Variants in EPHA6 observed in about 807,000 individuals in gnomAD.
EPHA6 encodes EPH receptor A6.
Under a neutral mutation model 112.0 loss-of-function variants are expected in EPHA6, and 50 were observed. The ratio of observed to expected loss-of-function variants is 0.45; its 90% CI spans 0.36 to 0.56. The LOEUF (loss-of-function observed/expected upper bound fraction) is 0.56, where lower values mean the gene tolerates loss of function less well. Among genes scored for constraint, EPHA6 ranks in the 20% least tolerant of loss-of-function variants. The pLI, the probability that EPHA6 is intolerant of heterozygous loss-of-function variation, is 0.00. For synonymous variants in EPHA6, 529 were observed against 490.7 expected (o/e 1.08, Z -1.03); for missense variants, 1,280 against 1,417.4 (o/e 0.90, Z 1.56).
At chr3:97,552,139 A>G (rs2093036950) in intron 11 of EPHA6, among the ~76,000 whole-genome samples, 1 of 152,218 alleles carries the variant, frequency 6.6e-6, no homozygotes, top group Non-Finnish European at 1.5e-5. Flanking sequence ...CAGACTCAGA[A>G]AATATTTCAC....
intron 5 of EPHA6, among the ~76,000 whole-genome samples, chr3:97,323,450 A>G (rs896843600): frequency 2.6e-5 from 4 of 151,870 alleles, no homozygotes; most frequent in African/African-American, 9.7e-5. Flanking sequence ...ATGGAAGAAT[A>G]TTAGGGGGGA....
At chr3:97,140,048 C>G (rs1383038877) in intron 3 of EPHA6, among the ~76,000 whole-genome samples, 1 of 151,878 alleles carries the variant, frequency 6.6e-6, no homozygotes. Context: ...GAGGGAACTT[C>G]AAATTACTTT....
At chr3:97,735,889 A>C (rs1326806183) in intron 15 of EPHA6, 36 bp from the exon 16 acceptor site, 2 of 1,472,670 alleles carry the variant, frequency 1.4e-6, no homozygotes, top group Non-Finnish European at 1.8e-6. Flanking sequence ...TTACTGCCTA[A>C]AAATAAGAGA....
chr3:97,246,161 A>C (rs1158289551), intron 5 of EPHA6, among the ~76,000 whole-genome samples: 1 of 151,914 alleles, frequency 6.6e-6, no homozygotes, highest in Non-Finnish European at 1.5e-5. Flanking sequence ...AGTAGATGAG[A>C]GTTTTCTGTT....
chr3:97,088,955 C>T (rs1158177824), intron 3 of EPHA6, among the ~76,000 whole-genome samples: 1 of 152,082 alleles, frequency 6.6e-6, no homozygotes, highest in Admixed American at 6.5e-5. Flanking sequence ...TTTCTAAGGG[C>T]AGCATTCAGT....
chr3:97,073,786 A>G (rs2046431105), intron 3 of EPHA6, among the ~76,000 whole-genome samples: 1 of 152,032 alleles, frequency 6.6e-6, no homozygotes, highest in Admixed American at 6.6e-5. Flanking sequence ...TTCTATTTAT[A>G]GCGCATTTAT....
intron 11 of EPHA6, among the ~76,000 whole-genome samples, chr3:97,583,220 C>A (rs1304079961): frequency 6.6e-6 from 1 of 151,716 alleles, no homozygotes; most frequent in Non-Finnish European, 1.5e-5. Context: ...TCCTTGGCAC[C>A]TGAGGTGTAA....
chr3:96,907,636 T>C (rs2039004847), intron 2 of EPHA6, among the ~76,000 whole-genome samples: 2 of 152,030 alleles, frequency 1.3e-5, no homozygotes, highest in South Asian at 4.1e-4. Flanking sequence ...AGAAAAGATA[T>C]AGGTGTATTT....
chr3:97,636,832 A>C (rs962201319), intron 13 of EPHA6, among the ~76,000 whole-genome samples: 29 of 152,100 alleles, frequency 1.9e-4, no homozygotes, highest in African/African-American at 6.5e-4. Flanking sequence ...CCTACAATCT[A>C]CTGCTAGATA....
intron 2 of EPHA6, among the ~76,000 whole-genome samples, chr3:96,943,705 G>A (rs944849534): frequency 6.6e-5 from 10 of 152,278 alleles, no homozygotes; most frequent in Admixed American, 5.2e-4. Context: ...AAAGTTGACT[G>A]TTGTATGATA....
intron 2 of EPHA6, among the ~76,000 whole-genome samples, chr3:96,914,978 C>A (rs1044308657): frequency 1.1e-4 from 16 of 149,594 alleles, no homozygotes; most frequent in African/African-American, 3.5e-4. Context: ...TTAATTAAAT[C>A]TTTTGTCAGT....
chr3:97,115,909 T>C (rs1028810201), intron 3 of EPHA6, among the ~76,000 whole-genome samples: 1 of 151,938 alleles, frequency 6.6e-6, no homozygotes, highest in African/African-American at 2.4e-5. Context: ...ATCACCCTTA[T>C]ATTGCCTAAC....
intron 2 of EPHA6, among the ~76,000 whole-genome samples, chr3:96,901,546 C>A (rs1348597765): frequency 2.0e-5 from 3 of 151,658 alleles, no homozygotes; most frequent in Non-Finnish European, 4.4e-5. Flanking sequence ...TTATTAAAAT[C>A]TTACTTGTCA....
intron 2 of EPHA6, among the ~76,000 whole-genome samples, chr3:96,977,470 A>AAT (rs1031620809): frequency 5.3e-5 from 8 of 152,188 alleles, no homozygotes; most frequent in African/African-American, 1.7e-4. Context: ...ACCAATATGC[A>AAT]ATATATTAGT....
At chr3:97,581,675 CG>C (rs1203605110) in intron 11 of EPHA6, among the ~76,000 whole-genome samples, 2 of 152,190 alleles carry the variant, frequency 1.3e-5, no homozygotes, top group Non-Finnish European at 2.9e-5. Flanking sequence ...AACTGAGGCT[CG>C]GGGAGTTTAA....
chr3:97,106,398 T>C (rs1393213254), intron 3 of EPHA6, among the ~76,000 whole-genome samples: 1 of 152,058 alleles, frequency 6.6e-6, no homozygotes, highest in African/African-American at 2.4e-5. Context: ...ATATTAATAT[T>C]GCAAATTTTA....
chr3:97,435,064 C>A (rs1373823229), intron 6 of EPHA6, among the ~76,000 whole-genome samples: 2 of 152,008 alleles, frequency 1.3e-5, no homozygotes, highest in Admixed American at 1.3e-4. Flanking sequence ...TGAGGCTGGG[C>A]CAGGAACTGG....
At chr3:97,036,591 A>G (rs1404472586) in intron 3 of EPHA6, among the ~76,000 whole-genome samples, 1 of 151,940 alleles carries the variant, frequency 6.6e-6, no homozygotes, top group Non-Finnish European at 1.5e-5. Context: ...GTCCCTTTGT[A>G]TACACAAAGA....
rs140011759 is a variant in EPHA6 at position 97,044,158 on chromosome 3, T to C, written c.1114+56165T>C. Among the ~76,000 whole-genome samples the C allele has an allele frequency of 6.5e-3, 986 of 152,340 alleles. 6 individuals are homozygous for C. The highest frequency in any genetic ancestry group is 0.021 in the African/African-American group (891 of 41,578). The stretch of plus-strand genomic sequence containing the variant: ...TACATGTGACAAAGTCCTTTTTATG[T>C]TTTAGGATTCAGCCAAATATTATAA... On this transcript the variant is annotated intron_variant, in intron 3 of 17. Transcript: ENST00000389672.
Sources: gnomAD v4.1 joint callset for allele counts (sites outside exome capture counted in the v4.1 genomes callset) on GRCh38, gnomAD v4.1.1 for gene constraint, MANE v1.5 for transcripts, NCBI Gene and HGNC (gene_info 2026-07-23, HGNC 2026-07-21) for gene names.